LYPLAL1: variants seen among roughly 807,000 people sequenced by gnomAD.
LYPLAL1 encodes the protein lysophospholipase like 1.
In LYPLAL1, 23 loss-of-function variants were observed where a neutral mutation model predicts 19.7. The ratio of observed to expected loss-of-function variants is 1.17; its 90% CI spans 0.84 to 1.65. The LOEUF is 1.65. Ranked by LOEUF, LYPLAL1 falls within the 40% of genes most tolerant of loss-of-function variation. The probability of loss-of-function intolerance (pLI) is 0.00; values close to 1 mark genes in which losing one functional copy is unlikely to be tolerated. For missense variants in LYPLAL1, 355 were observed against 279.4 expected (o/e 1.27, Z -1.93); for synonymous variants, 119 against 96.3 (o/e 1.24, Z -1.38).
chr1:219,349,723 A>G, the LYPLAL1 span, among the ~76,000 whole-genome samples: 2 of 152,178 alleles, frequency 1.3e-5, no homozygotes, highest in African/African-American at 4.8e-5. Flanking sequence ...CAGTCTGGCA[A>G]CAGGACACAG....
the LYPLAL1 span, among the ~76,000 whole-genome samples, chr1:219,319,921 C>G: frequency 6.6e-6 from 1 of 152,198 alleles, no homozygotes; most frequent in South Asian, 2.1e-4. Context: ...GTTAACTAGT[C>G]TTATAATCCA....
At chr1:219,433,931 T>C in the LYPLAL1 span, among the ~76,000 whole-genome samples, 1 of 152,196 alleles carries the variant, frequency 6.6e-6, no homozygotes, top group Non-Finnish European at 1.5e-5. Context: ...CGACCTTAAA[T>C]CAATTATTCA....
the LYPLAL1 span, among the ~76,000 whole-genome samples, chr1:219,298,455 A>T: frequency 2.6e-5 from 4 of 152,230 alleles, no homozygotes; most frequent in Admixed American, 2.0e-4. Context: ...GAGCATAGCC[A>T]ATCCCTCTAG....
the LYPLAL1 span, among the ~76,000 whole-genome samples, chr1:219,260,988 GGGTC>G: frequency 6.6e-6 from 1 of 151,540 alleles, no homozygotes; most frequent in Non-Finnish European, 1.5e-5. Context: ...AATAATCCTT[GGGTC>G]ACAAAGAAAA....
chr1:219,192,505 C>G (rs2125064239), intron 2 of LYPLAL1, among the ~76,000 whole-genome samples: 1 of 151,700 alleles, frequency 6.6e-6, no homozygotes, highest in South Asian at 2.1e-4. Flanking sequence ...CAGGGCATGC[C>G]AAGGGATAAG....
chr1:219,187,399 CT>C (rs530034561), intron 2 of LYPLAL1, among the ~76,000 whole-genome samples: 15 of 147,326 alleles, frequency 1.0e-4, no homozygotes, highest in South Asian at 2.1e-4. Context: ...GAAAATACTG[CT>C]TTTTTTTTTC....
At chr1:219,216,609 C>T (rs1352306973), downstream of LYPLAL1, among the ~76,000 whole-genome samples, 5 of 152,128 alleles carry the variant, frequency 3.3e-5, no homozygotes, top group Admixed American at 2.6e-4. Context: ...CCACCTATTG[C>T]TCCTCTTCCT....
the LYPLAL1 span, among the ~76,000 whole-genome samples, chr1:219,304,415 A>C: frequency 6.6e-6 from 1 of 152,218 alleles, no homozygotes; most frequent in Non-Finnish European, 1.5e-5. Context: ...GCCAGGTGGC[A>C]GTCTTGCCAA....
chr1:219,200,060 A>T, intron 3 of LYPLAL1: 1 of 231,000 alleles, frequency 4.3e-6, no homozygotes, highest in Non-Finnish European at 9.2e-6. Context: ...GTTGCTTTGC[A>T]TCCTTCCATC....
the LYPLAL1 span, among the ~76,000 whole-genome samples, chr1:219,237,220 G>A: frequency 2.6e-5 from 4 of 152,244 alleles, no homozygotes; most frequent in Admixed American, 6.5e-5. Context: ...TAAATAAGTC[G>A]TCAGCAGAAT....
At chr1:219,213,920 A>G (rs1323439252), downstream of LYPLAL1, among the ~76,000 whole-genome samples, 1 of 152,090 alleles carries the variant, frequency 6.6e-6, no homozygotes, top group African/African-American at 2.4e-5. Flanking sequence ...TAGAACTTCT[A>G]GTACTATGCT....
intron 2 of LYPLAL1, among the ~76,000 whole-genome samples, chr1:219,181,472 C>T (rs1017196432): frequency 6.6e-6 from 1 of 152,144 alleles, no homozygotes; most frequent in Non-Finnish European, 1.5e-5. Flanking sequence ...AGTAGCAAAA[C>T]ATAGAAGATT....
chr1:219,255,623 C>T, the LYPLAL1 span, among the ~76,000 whole-genome samples: 22 of 151,870 alleles, frequency 1.4e-4, no homozygotes, highest in East Asian at 2.1e-3. Flanking sequence ...ATGGGCCCCT[C>T]GTGCAATGTT....
the LYPLAL1 span, among the ~76,000 whole-genome samples, chr1:219,388,445 GTT>G: frequency 1.3e-5 from 2 of 152,080 alleles, no homozygotes; most frequent in African/African-American, 4.8e-5. Flanking sequence ...GAGTTTATGT[GTT>G]TTCAGTTCAC....
At chr1:219,397,400 A>G in the LYPLAL1 span, among the ~76,000 whole-genome samples, 1 of 152,144 alleles carries the variant, frequency 6.6e-6, no homozygotes, top group Non-Finnish European at 1.5e-5. Context: ...TGTCATTGCT[A>G]GGTATCAGGG....
chr1:219,379,195 A>G, the LYPLAL1 span, among the ~76,000 whole-genome samples: 2 of 152,172 alleles, frequency 1.3e-5, no homozygotes, highest in Non-Finnish European at 2.9e-5. Flanking sequence ...ACTATTTTTC[A>G]AACTTTTGAC....
At chr1:219,431,158 T>G in the LYPLAL1 span, among the ~76,000 whole-genome samples, 1 of 152,140 alleles carries the variant, frequency 6.6e-6, no homozygotes. Flanking sequence ...ATGGTTCAAA[T>G]CCACACAGTA....
the LYPLAL1 span, among the ~76,000 whole-genome samples, chr1:219,381,097 A>G: frequency 6.6e-6 from 1 of 152,206 alleles, no homozygotes; most frequent in Non-Finnish European, 1.5e-5. Context: ...TGTAGCTCCC[A>G]TAATTCCCAC....
chr1:219,263,683 G>T, the LYPLAL1 span, among the ~76,000 whole-genome samples: 2 of 152,118 alleles, frequency 1.3e-5, no homozygotes, highest in Non-Finnish European at 2.9e-5. Context: ...GGCTTGAGCT[G>T]GGACCTGGGA....
Sources: gnomAD v4.1 joint callset for allele counts (sites outside exome capture counted in the v4.1 genomes callset) on GRCh38, gnomAD v4.1.1 for gene constraint, MANE v1.5 for transcripts, NCBI Gene and HGNC (gene_info 2026-07-23, HGNC 2026-07-21) for gene names.